The following GLT1D1 variants were observed in gnomAD, a reference collection of about 807,000 sequenced individuals.
GLT1D1 encodes the protein glycosyltransferase 1 domain-containing protein 1.
A neutral mutation model predicts 28.7 loss-of-function variants in GLT1D1; 21 were observed. The observed-to-expected ratio is 0.73, with a 90% CI of 0.52 to 1.05. The LOEUF is 1.05. GLT1D1 is among the 50% of genes least tolerant of loss of function. GLT1D1 has a pLI of 0.00. For missense variants in GLT1D1, 343 were observed against 330.6 expected (o/e 1.04, Z -0.29); for synonymous variants, 147 against 124.8 (o/e 1.18, Z -1.19).
intron 4 of GLT1D1, among the ~76,000 whole-genome samples, chr12:128,909,573 T>G (rs964871801): frequency 3.3e-5 from 5 of 152,362 alleles, no homozygotes; most frequent in South Asian, 2.1e-4. Context: ...TTTTGTCATC[T>G]GTAGAGCATA....
rs953803910 is a variant in GLT1D1 at position 128,885,940 on chromosome 12, T to G, written c.218-2699T>G. Among the ~76,000 whole-genome samples the G allele has an allele frequency of 4.6e-5, 7 of 152,178 alleles. No individual in the cohort carries two copies. The East Asian group carries it at 9.6e-4, about 21-fold the overall frequency. On this transcript the variant is annotated intron_variant, in intron 2 of 7. Coordinates refer to ENST00000281703, the MANE Select transcript of GLT1D1 (RefSeq NM_144669.3). Reference sequence around the variant, plus strand: ...TCCCCATCCAAATCTCTTCTTGAATTATAGCTCCCACAATTCCCGTGTGTT... The same window carrying G: ...TCCCCATCCAAATCTCTTCTTGAATGATAGCTCCCACAATTCCCGTGTGTT...
intron 4 of GLT1D1, among the ~76,000 whole-genome samples, chr12:128,909,948 T>C (rs1871347225): frequency 6.6e-6 from 1 of 152,254 alleles, no homozygotes; most frequent in Non-Finnish European, 1.5e-5. Context: ...TAATAAATAT[T>C]GAGCAAAGAA....
intron 2 of GLT1D1, among the ~76,000 whole-genome samples, chr12:128,881,652 A>C (rs929889776): frequency 7.2e-6 from 1 of 139,428 alleles, no homozygotes; most frequent in Non-Finnish European, 1.5e-5. Context: ...ATAAATATAT[A>C]TTATATATAA....
chr12:128,884,673 G>T (rs1214436355), intron 2 of GLT1D1, among the ~76,000 whole-genome samples: 1 of 151,980 alleles, frequency 6.6e-6, no homozygotes, highest in Non-Finnish European at 1.5e-5. Context: ...AAATTAGCTG[G>T]GCATGGTGGC....
intron 4 of GLT1D1, among the ~76,000 whole-genome samples, chr12:128,906,569 A>G (rs1161530123): frequency 6.6e-6 from 1 of 152,190 alleles, no homozygotes; most frequent in Non-Finnish European, 1.5e-5. Context: ...TTTATGAGCT[A>G]TATTTAAAAA....
intron 2 of GLT1D1, among the ~76,000 whole-genome samples, chr12:128,883,690 G>A (rs1566101519): frequency 6.6e-6 from 1 of 151,842 alleles, no homozygotes; most frequent in African/African-American, 2.4e-5. Flanking sequence ...TCTAGCACAA[G>A]TACTGATTTA....
intron 7 of GLT1D1, among the ~76,000 whole-genome samples, chr12:128,981,294 G>T (rs1593224304): frequency 6.6e-6 from 1 of 152,172 alleles, no homozygotes; most frequent in East Asian, 1.9e-4. Flanking sequence ...TGAGGATTTG[G>T]TTGTAAAAGG....
In GLT1D1 at chr12:128,958,748, CAAAAAAAAAAA is replaced by C. The variant is rs71072431; in HGVS notation, c.639+1124_639+1134del. Among the ~76,000 whole-genome samples, 37 of 42,654 alleles carry C rather than the reference CAAAAAAAAAAA, an allele frequency of 8.7e-4. No individual in the cohort carries two copies. In the Admixed American group the frequency reaches 0.01, roughly 12 times the overall value. The allele number at this position is 42,654 out of a possible 152,430, so 28.0% of individuals were successfully genotyped here. ...TAGGCAACAGAGTGGGACTCTGCCT[CAAAAAAAAAAA>C]AAAAAAAAAAAAAAAAAAGGAAGGC... On this transcript the variant is annotated intron_variant, in intron 7 of 7. Coordinates refer to ENST00000281703, the MANE Select transcript of GLT1D1 (RefSeq NM_144669.3).
At chr12:128,916,982 T>C (rs1272553027) in intron 4 of GLT1D1, among the ~76,000 whole-genome samples, 2 of 152,210 alleles carry the variant, frequency 1.3e-5, no homozygotes, top group African/African-American at 2.4e-5. Flanking sequence ...GTGCTGTAGC[T>C]CTTTCATTTA....
At chr12:128,873,543 G>C (rs976888865) in intron 1 of GLT1D1, among the ~76,000 whole-genome samples, 4 of 152,176 alleles carry the variant, frequency 2.6e-5, no homozygotes, top group Non-Finnish European at 5.9e-5. Context: ...ATATCTAGAA[G>C]TGGAGTTATT....
intron 7 of GLT1D1, among the ~76,000 whole-genome samples, chr12:128,960,865 T>C (rs555918725): frequency 4.6e-5 from 7 of 152,344 alleles, no homozygotes; most frequent in Non-Finnish European, 8.8e-5. Context: ...GTTATGTACA[T>C]ATATGGAGTA....
At chr12:128,969,614 A>G (rs1363494201) in intron 7 of GLT1D1, among the ~76,000 whole-genome samples, 3 of 152,168 alleles carry the variant, frequency 2.0e-5, no homozygotes, top group Non-Finnish European at 4.4e-5. Context: ...CTGGGCCATC[A>G]CCAAGGTGCG....
intron 1 of GLT1D1, among the ~76,000 whole-genome samples, chr12:128,866,568 A>T (rs765376892): frequency 2.2e-5 from 3 of 136,084 alleles, no homozygotes; most frequent in Admixed American, 7.8e-5. Flanking sequence ...TTAGCTCTTC[A>T]TCTTTTCCCC....
chr12:128,962,078 G>A (rs989000305), intron 7 of GLT1D1, among the ~76,000 whole-genome samples: 2 of 49,070 alleles, frequency 4.1e-5, no homozygotes, highest in South Asian at 6.2e-4. Flanking sequence ...TCTGTGCCCC[G>A]TCCCCCTCCA....
intron 7 of GLT1D1, among the ~76,000 whole-genome samples, chr12:128,961,854 T>A (rs932052224): frequency 5.3e-5 from 8 of 152,166 alleles, no homozygotes; most frequent in Non-Finnish European, 8.8e-5. Context: ...CACATAAAAT[T>A]AACCATCGTA....
At chr12:128,961,565 A>C (rs1040451339) in intron 7 of GLT1D1, among the ~76,000 whole-genome samples, 1 of 152,222 alleles carries the variant, frequency 6.6e-6, no homozygotes, top group Non-Finnish European at 1.5e-5. Context: ...TAGGCAAAGA[A>C]CGATGACTAT....
chr12:128,889,172 T>C (rs1868744217), intron 3 of GLT1D1, among the ~76,000 whole-genome samples: 1 of 151,958 alleles, frequency 6.6e-6, no homozygotes, highest in Non-Finnish European at 1.5e-5. Flanking sequence ...AAAACACGAA[T>C]CACAGGCAAA....
intron 4 of GLT1D1, among the ~76,000 whole-genome samples, chr12:128,908,379 TTTCTCTTTC>T (rs1566122582): frequency 7.3e-6 from 1 of 136,218 alleles, no homozygotes; most frequent in African/African-American, 2.9e-5. Context: ...CTTTCTTTTC[TTTCTCTTTC>T]TTTCTCTCTC....
chr12:128,876,935 G>A (rs75901302), intron 2 of GLT1D1, among the ~76,000 whole-genome samples: 34 of 152,286 alleles, frequency 2.2e-4, no homozygotes, highest in African/African-American at 7.7e-4. Context: ...ATGGCTTAAT[G>A]TAACTTCACA....
Sources: gnomAD v4.1 joint callset for allele counts (sites outside exome capture counted in the v4.1 genomes callset) on GRCh38, gnomAD v4.1.1 for gene constraint, MANE v1.5 for transcripts, NCBI Gene and HGNC (gene_info 2026-07-23, HGNC 2026-07-21) for gene names.